CP: variants seen among roughly 807,000 people sequenced by gnomAD.
CP encodes the protein caeruloplasmin.
A neutral mutation model predicts 122.4 loss-of-function variants in CP; 64 were observed. The ratio of observed to expected loss-of-function variants is 0.52; its 90% CI spans 0.43 to 0.64. The LOEUF is 0.64. Among genes scored for constraint, CP ranks in the 30% least tolerant of loss-of-function variants. The pLI is 0.00. For missense variants in CP, 1,167 were observed against 1,284.4 expected (o/e 0.91, Z 1.40); for synonymous variants, 440 against 436.4 (o/e 1.01, Z -0.10).
At chr3:149,173,866 G>T in intron 18 of CP, 136 bp from the exon 19 acceptor site, 1 of 483,002 alleles carries the variant, frequency 2.1e-6, no homozygotes, top group South Asian at 3.1e-5. Flanking sequence ...CTTTTTATAT[G>T]TTTAAAAATC....
rs540674205 is a variant in CP at position 149,173,690 on chromosome 3, C to T, written c.*24G>A. The T allele has an allele frequency of 3.8e-5, 54 of 1,423,812 alleles. No homozygotes were observed. In the South Asian group the frequency reaches 6.6e-4, roughly 17 times the overall value. 88.2% of individuals were successfully genotyped at this position (1,423,812 alleles called of 1,614,324 possible). On this transcript the variant is annotated 3_prime_UTR_variant, in exon 19 of 19. Transcript: ENST00000264613. ...TGAATCATTGGTTTTTCTCTTTTTTCCACTTATCACCAATTTATTTCATTC... is the reference window on the plus strand; with the variant it reads ...TGAATCATTGGTTTTTCTCTTTTTTTCACTTATCACCAATTTATTTCATTC...
At position 149,181,976 on chromosome 3, in the gene CP, ACCACCCCCACC is replaced by A; in HGVS notation, c.2554+18_2554+28del. 1 of 561,808 alleles carries A rather than the reference ACCACCCCCACC, an allele frequency of 1.8e-6. No individual in the cohort carries two copies. The highest frequency in any genetic ancestry group is 3.3e-6 in the Non-Finnish European group (1 of 299,008). The allele number at this position is 561,808 out of a possible 1,614,324, so 34.8% of individuals were successfully genotyped here. On this transcript the variant is annotated intron_variant, in intron 14 of 18. Transcript: ENST00000264613. ...AAGGCTGTACAGCCTGTTAAAATGC[ACCACCCCCACC>A]CCCGCCCCCGTGAGTACCTGGTAAT...
At chr3:149,207,285 G>T in intron 5 of CP, 78 bp downstream of exon 5, 1 of 1,561,720 alleles carries the variant, frequency 6.4e-7, no homozygotes, top group East Asian at 2.2e-5. Flanking sequence ...TTATTTCAAA[G>T]ATATTTAGCT....
In CP at chr3:149,209,338, C is replaced by T; in HGVS notation, c.654G>A (p.Val218=). 6.2e-7 allele frequency: 1 copy of T among 1,613,708 alleles called. No homozygotes were observed. Among genetic ancestry groups the T allele is most frequent in the Non-Finnish European group, 8.5e-7 (1 of 1,179,750 alleles). Residue 218 remains valine (V), a synonymous_variant, in exon 4 of 19, where the codon GTG becomes GTA. Transcript: ENST00000264613. The part of the protein sequence containing the change: ...EKEKHIDREF[V]VMFSVVDENF... ...TTTCATCCACCACAGAAAACATCAC[C>T]ACAAATTCTCGGTCAATATGTTTTT...
rs1421490921 is a variant in CP, at chr3:149,173,614, T to G, written c.*100A>C. On this transcript the variant is annotated 3_prime_UTR_variant, in exon 19 of 19. Transcript: ENST00000264613. The stretch of plus-strand genomic sequence containing the variant: ...ATGCTTCCAGTCTTCTTTTAATGTT[T>G]ATAGTCATTCCAAAGTAACATTCTA... 3.7e-6 allele frequency: 3 copies of G among 811,690 alleles called. No individual in the cohort carries two copies. The highest frequency in any genetic ancestry group is 1.7e-5 in the African/African-American group (1 of 57,790). The allele number at this position is 811,690 out of a possible 1,614,324, so 50.3% of individuals were successfully genotyped here.
downstream of CP, chr3:149,172,113 C>T (rs1233251756): frequency 6.2e-7 from 1 of 1,612,836 alleles, no homozygotes; most frequent in Non-Finnish European, 8.5e-7. Flanking sequence ...TCAATTGTTG[C>T]TGTGGAACTA....
chr3:149,194,226 T>C (rs535225244), intron 9 of CP, among the ~76,000 whole-genome samples: 2 of 145,550 alleles, frequency 1.4e-5, no homozygotes, highest in African/African-American at 5.5e-5. Context: ...TATTTAAAAT[T>C]TTTTATTTTT....
In CP at chr3:149,165,944, A is replaced by G; in HGVS notation, c.*13+2T>C. 1 of 450,950 alleles carries G rather than the reference A, an allele frequency of 2.2e-6. No homozygotes were observed. The highest frequency in any genetic ancestry group is 4.4e-6 in the Non-Finnish European group (1 of 225,068). The allele number at this position is 450,950 out of a possible 1,614,324, so 27.9% of individuals were successfully genotyped here. On this transcript the variant is annotated splice_donor_variant, in intron 5 of 5. Coordinates refer to the CP transcript ENST00000479771. LOFTEE classifies it low-confidence loss of function (3UTR_SPLICE). Reference sequence around the variant, plus strand: ...AAACTTGCAGGAAGAAAAGGTACCAACCTTATTCTCCTGGTCATTCCTTGG... The same window carrying G: ...AAACTTGCAGGAAGAAAAGGTACCAGCCTTATTCTCCTGGTCATTCCTTGG...
In CP at chr3:149,162,874, A is replaced by T. The variant is rs1724022575; in HGVS notation, c.*15T>A. On this transcript the variant is annotated splice_region_variant and 3_prime_UTR_variant, in exon 6 of 6. Transcript: ENST00000479771. Reference sequence around the variant, plus strand: ...ACCACACCATTGCGAACATCGGAGGATCTGGTAAGATAATGGAATAATACC... The same window carrying T: ...ACCACACCATTGCGAACATCGGAGGTTCTGGTAAGATAATGGAATAATACC... The T allele has an allele frequency of 3.7e-6, 6 of 1,612,232 alleles. No individual in the cohort carries two copies. The South Asian group carries it at 6.6e-5, about 18-fold the overall frequency.
chr3:149,203,878 G>A (rs1380365674), intron 6 of CP, among the ~76,000 whole-genome samples: 1 of 152,132 alleles, frequency 6.6e-6, no homozygotes, highest in East Asian at 1.9e-4. Context: ...AGGGTATTAT[G>A]GAGCATTTCT....
At chr3:149,205,374 G>A (rs35244189) in intron 6 of CP, among the ~76,000 whole-genome samples, 19 of 148,422 alleles carry the variant, frequency 1.3e-4, no homozygotes, top group Non-Finnish European at 2.2e-4. Flanking sequence ...AGCTAGAAGC[G>A]GAATCGCTTC....
chr3:149,167,021 T>A (rs1724491968), intron 4 of CP: 1 of 1,600,218 alleles, frequency 6.2e-7, no homozygotes, highest in African/African-American at 1.3e-5. Context: ...ACATTTCACT[T>A]TTCTGTTCAT....
chr3:149,220,483 A>G (rs1728733986), intron 1 of CP, among the ~76,000 whole-genome samples: 1 of 3,820 alleles, frequency 2.6e-4, no homozygotes, highest in African/African-American at 1.0e-3. Context: ...CCACCTTAAA[A>G]CCAGGTTAAA....
chr3:149,181,973 T>TGGGGGGGGGGGGGGGCGGGG, intron 14 of CP, 32 bp downstream of exon 14: 1 of 1,375,574 alleles, frequency 7.3e-7, no homozygotes, highest in Non-Finnish European at 1.0e-6. Context: ...CCTGTTAAAA[T>TGGGGGGGGGGGGGGGCGGGG]GCACCACCCC....
intron 4 of CP, among the ~76,000 whole-genome samples, chr3:149,207,977 T>C (rs34930306): frequency 0.021 from 3,183 of 152,246 alleles, 122 homozygotes; most frequent in African/African-American, 0.074. Flanking sequence ...AGAAAAAAGA[T>C]TGAATATTAG....
At chr3:149,200,802 G>A (rs887749408) in intron 7 of CP, among the ~76,000 whole-genome samples, 5 of 152,048 alleles carry the variant, frequency 3.3e-5, no homozygotes, top group Non-Finnish European at 7.4e-5. Context: ...GAGCCACCGC[G>A]CCCAGCCAAG....
In CP at chr3:149,221,780, T is replaced by C. The variant is rs766078094; in HGVS notation, c.13A>G (p.Ile5Val). 1.3e-5 allele frequency: 21 copies of C among 1,613,624 alleles called. No individual in the cohort carries two copies. Among genetic ancestry groups the C allele is most frequent in the Admixed American group, 1.0e-4 (6 of 59,964 alleles). The stretch of plus-strand genomic sequence containing the variant: ...CATAAAAACAGAAAAATACCAAGTA[T>C]CAAAATCTTCATTTTTTTCCCCTTC... MKIL[I>V]LGIFLFLCST... The change falls in exon 1 of 19, where the codon ATA becomes GTA. Residue 5 changes from isoleucine to valine, a missense_variant. By Grantham distance (29) the Ile-to-Val change is conservative (BLOSUM62 3). Around this residue, in one of 2 missense-constraint regions of CP, gnomAD observed 642 missense variants for 627.3 expected, o/e 1.02. Transcript: ENST00000264613.
At chr3:149,216,985 C>T (rs1728498518) in intron 1 of CP, among the ~76,000 whole-genome samples, 1 of 151,402 alleles carries the variant, frequency 6.6e-6, no homozygotes, top group South Asian at 2.1e-4. Context: ...ACTGCAACCT[C>T]CACCTCCTGG....
At chr3:149,198,262 A>G (rs1380636048) in intron 9 of CP, 105 bp downstream of exon 9, 8 of 866,216 alleles carry the variant, frequency 9.2e-6, no homozygotes, top group South Asian at 1.5e-5. Flanking sequence ...AAAGGTATAT[A>G]CTAAAGTATT....
Sources: allele counts gnomAD v4.1 joint callset (sites outside exome capture counted in the v4.1 genomes callset), GRCh38; gene constraint gnomAD v4.1.1; regional missense constraint gnomAD v4.1.1; transcripts MANE v1.5; gene names NCBI Gene and HGNC (gene_info 2026-07-23, HGNC 2026-07-21).